The following KIAA1217 variants were observed in gnomAD, a reference collection of about 807,000 sequenced individuals.
The protein encoded by KIAA1217 is KIAA1217.
KIAA1217 carries 88 observed loss-of-function variants against 163.9 expected under a neutral mutation model. The observed-to-expected ratio is 0.54, with a 90% CI of 0.45 to 0.64. The LOEUF (loss-of-function observed/expected upper bound fraction) is 0.64. Among genes scored for constraint, KIAA1217 ranks in the 30% least tolerant of loss-of-function variants. The pLI is 0.00. For synonymous variants in KIAA1217, 903 were observed against 923.1 expected (o/e 0.98, Z 0.39); for missense variants, 2,372 against 2,475.0 (o/e 0.96, Z 0.88).
chr10:23,916,767 A>T (rs912106291), intron 1 of KIAA1217, among the ~76,000 whole-genome samples: 1 of 152,038 alleles, frequency 6.6e-6, no homozygotes, highest in African/African-American at 2.4e-5. Flanking sequence ...AGGTCAGAAG[A>T]TCAAGACCAC....
At chr10:24,391,833 T>A (rs149976364) in intron 3 of KIAA1217, among the ~76,000 whole-genome samples, 339 of 152,272 alleles carry the variant, frequency 2.2e-3, no homozygotes, top group African/African-American at 7.9e-3. Context: ...TAAGTTAGAG[T>A]GAACTATTCC....
chr10:24,159,914 T>C (rs1356107732), intron 2 of KIAA1217, among the ~76,000 whole-genome samples: 1 of 152,234 alleles, frequency 6.6e-6, no homozygotes, highest in Non-Finnish European at 1.5e-5. Flanking sequence ...TTGAAGTTTG[T>C]TTCCTTCTTT....
At position 24,443,579 on chromosome 10, in the gene KIAA1217, A is replaced by G. The variant is rs373994611; in HGVS notation, c.846+5100A>G. 2.0e-5 allele frequency among the ~76,000 whole-genome samples: 3 copies of G among 152,046 alleles called. No individual in the cohort carries two copies. The East Asian group carries it at 5.8e-4, about 29-fold the overall frequency. ...GTCATGAAAAAAAAGTGGGGGAGGGAGCACAGTTAAGTTTCTCGGGGGTCT... is the reference window on the plus strand; with the variant it reads ...GTCATGAAAAAAAAGTGGGGGAGGGGGCACAGTTAAGTTTCTCGGGGGTCT... On this transcript the variant is annotated intron_variant, in intron 5 of 20. Transcript: ENST00000376454.
chr10:24,505,057 C>T (rs960496607), intron 9 of KIAA1217, among the ~76,000 whole-genome samples: 3 of 152,034 alleles, frequency 2.0e-5, no homozygotes, highest in East Asian at 1.9e-4. Flanking sequence ...TTCACTGGCA[C>T]GGACTGGAGG....
chr10:24,340,097 G>T (rs1207269934), intron 2 of KIAA1217, among the ~76,000 whole-genome samples: 2 of 152,214 alleles, frequency 1.3e-5, no homozygotes, highest in African/African-American at 2.4e-5. Flanking sequence ...GGCCATTTGG[G>T]ACTGGGTAGG....
intron 2 of KIAA1217, among the ~76,000 whole-genome samples, chr10:24,180,348 A>T (rs569163788): frequency 6.9e-6 from 1 of 144,550 alleles, no homozygotes; most frequent in South Asian, 2.2e-4. Context: ...GTGCAGTGGC[A>T]CAATCTCAGC....
rs1277720792 is a variant in KIAA1217 at position 24,544,108 on chromosome 10, C to T, written c.4838C>T (p.Thr1613Ile). The change falls in exon 19 of 21, where the codon ACC (threonine) becomes ATC (isoleucine). Residue 1613 changes from threonine to isoleucine, a missense_variant. Physicochemically the swap from Thr to Ile is moderately conservative, Grantham distance 89. Around this residue, in one of 3 missense-constraint regions of KIAA1217, gnomAD observed 690 missense variants for 677.5 expected, o/e 1.02. Transcript: ENST00000376454. ...TATGAAGAAGAGGAAGAGGATGGCA[C>T]CCTGAAACAGCACAAAGAAGCCAAG... ...VVYEEEEEDG[T>I]LKQHKEAKRF... 1.9e-6 allele frequency: 3 copies of T among 1,614,086 alleles called. No individual in the cohort carries two copies. Among genetic ancestry groups the T allele is most frequent in the South Asian group, 2.2e-5 (2 of 91,076 alleles).
chr10:23,708,751 C>T (rs1042605311), intron 1 of KIAA1217, among the ~76,000 whole-genome samples: 13 of 152,142 alleles, frequency 8.5e-5, no homozygotes, highest in Middle Eastern at 3.4e-3. Context: ...TGGTATGAGG[C>T]GTTTTAAAGG....
intron 3 of KIAA1217, among the ~76,000 whole-genome samples, chr10:24,382,658 G>A (rs752131547): frequency 6.6e-6 from 1 of 151,922 alleles, no homozygotes; most frequent in Non-Finnish European, 1.5e-5. Context: ...AGTGGCAGCA[G>A]TGGGAAGTCC....
At chr10:24,464,981 C>G (rs1365746131) in intron 5 of KIAA1217, among the ~76,000 whole-genome samples, 2 of 152,160 alleles carry the variant, frequency 1.3e-5, no homozygotes, top group African/African-American at 4.8e-5. Flanking sequence ...TGTTAGCACA[C>G]CTCACGCCAT....
intron 3 of KIAA1217, among the ~76,000 whole-genome samples, chr10:24,385,052 C>G (rs1009024207): frequency 8.5e-5 from 13 of 152,332 alleles, no homozygotes; most frequent in African/African-American, 2.9e-4. Context: ...GGCCTGTACA[C>G]TGGCACGTGG....
intron 2 of KIAA1217, among the ~76,000 whole-genome samples, chr10:24,350,963 C>A (rs1038676338): frequency 2.0e-5 from 3 of 150,178 alleles, no homozygotes; most frequent in African/African-American, 7.3e-5. Context: ...TTATTATTTT[C>A]TGAGGCAGAG....
intron 1 of KIAA1217, among the ~76,000 whole-genome samples, chr10:23,833,761 A>T (rs1445967652): frequency 6.6e-6 from 1 of 151,914 alleles, no homozygotes; most frequent in Non-Finnish European, 1.5e-5. Flanking sequence ...TACTCTTCAA[A>T]TGTTGCCTTG....
At chr10:24,216,719 C>T (rs990324568) in intron 1 of KIAA1217, among the ~76,000 whole-genome samples, 4 of 149,082 alleles carry the variant, frequency 2.7e-5, no homozygotes, top group African/African-American at 5.0e-5. Flanking sequence ...CTCAGCTACT[C>T]GGGAGGCTGA....
intron 2 of KIAA1217, among the ~76,000 whole-genome samples, chr10:24,114,550 T>C (rs953935518): frequency 1.3e-5 from 2 of 152,154 alleles, no homozygotes; most frequent in Non-Finnish European, 2.9e-5. Context: ...ACCAGGTGTG[T>C]GTTAGAAGAT....
intron 5 of KIAA1217, among the ~76,000 whole-genome samples, chr10:24,439,684 A>C (rs77713350): frequency 0.012 from 1,793 of 150,530 alleles, 32 homozygotes; most frequent in African/African-American, 0.04. Flanking sequence ...TCTAGAGGTC[A>C]TCAACATTTC....
intron 1 of KIAA1217, among the ~76,000 whole-genome samples, chr10:23,766,697 T>G (rs1472864252): frequency 6.6e-6 from 1 of 151,866 alleles, no homozygotes; most frequent in Non-Finnish European, 1.5e-5. Context: ...CAAGCGATTA[T>G]TGTGCCTCAG....
intron 2 of KIAA1217, among the ~76,000 whole-genome samples, chr10:24,139,949 G>A (rs2131829472): frequency 6.6e-6 from 1 of 151,588 alleles, no homozygotes; most frequent in South Asian, 2.1e-4. Flanking sequence ...ACAATATACT[G>A]TTCACAATTT....
At chr10:24,140,359 CAA>C (rs1260294070) in intron 2 of KIAA1217, among the ~76,000 whole-genome samples, 36 of 94,164 alleles carry the variant, frequency 3.8e-4, no homozygotes, top group Admixed American at 8.3e-4. Flanking sequence ...GACTCTGTCT[CAA>C]AAAAAAAAAA....
Sources: gnomAD v4.1 joint callset for allele counts (sites outside exome capture counted in the v4.1 genomes callset) on GRCh38, gnomAD v4.1.1 for gene constraint, gnomAD v4.1.1 regional missense constraint, MANE v1.5 for transcripts, NCBI Gene and HGNC (gene_info 2026-07-23, HGNC 2026-07-21) for gene names.